The following CTIF variants were observed in gnomAD, a reference collection of about 807,000 sequenced individuals.
The protein encoded by CTIF is cap binding complex dependent translation initiation factor, also known as CBP80/20-dependent translation initiation factor.
A neutral mutation model predicts 66.0 loss-of-function variants in CTIF; 21 were observed. That is an observed-to-expected ratio of 0.32 (90% CI 0.23 to 0.46). CTIF has a LOEUF of 0.46. Ranked by LOEUF, CTIF falls within the 20% of genes least tolerant of loss-of-function variation. CTIF has a pLI of 1.00. For missense variants in CTIF, 739 were observed against 812.7 expected (o/e 0.91, Z 1.10); for synonymous variants, 345 against 326.4 (o/e 1.06, Z -0.62).
Position 48,860,075 on chromosome 18 carries a change from G to T in CTIF, c.*516G>T, listed in dbSNP as rs971320346. On this transcript the variant is annotated 3_prime_UTR_variant, in exon 12 of 12. Coordinates refer to ENST00000256413, the MANE Select transcript of CTIF (RefSeq NM_014772.3). ...GTAGCAGATGTCCGGGAGGACAAAG[G>T]CAGGCACGGTCCCCACCAGCCGCCC... 1.7e-5 allele frequency: 7 copies of T among 403,312 alleles called. No individual in the cohort carries two copies. In the East Asian group the frequency reaches 5.0e-4, roughly 29 times the overall value. The allele number at this position is 403,312 out of a possible 1,614,324, so 25.0% of individuals were successfully genotyped here.
intron 1 of CTIF, among the ~76,000 whole-genome samples, chr18:48,597,504 C>T (rs1055403277): frequency 2.0e-5 from 3 of 152,070 alleles, no homozygotes; most frequent in African/African-American, 4.8e-5. Flanking sequence ...TGGTGATAAG[C>T]GAACTCTCTC....
chr18:48,674,113 T>C (rs2145045733), intron 6 of CTIF, among the ~76,000 whole-genome samples: 1 of 152,354 alleles, frequency 6.6e-6, no homozygotes, highest in Non-Finnish European at 1.5e-5. Flanking sequence ...ACTTAACTCA[T>C]CTTCATGGAC....
At chr18:48,564,432 C>T (rs947167406) in intron 1 of CTIF, among the ~76,000 whole-genome samples, 1 of 152,144 alleles carries the variant, frequency 6.6e-6, no homozygotes, top group African/African-American at 2.4e-5. Flanking sequence ...GTGAAGGTCC[C>T]CAAAGCCTGG....
intron 10 of CTIF, among the ~76,000 whole-genome samples, chr18:48,849,224 G>T (rs1042057772): frequency 7.6e-6 from 1 of 131,284 alleles, no homozygotes; most frequent in African/African-American, 3.1e-5. Context: ...TTGAGACAGA[G>T]TCTTACTCTG....
At chr18:48,704,612 G>A (rs1332333292) in intron 6 of CTIF, among the ~76,000 whole-genome samples, 2 of 152,182 alleles carry the variant, frequency 1.3e-5, no homozygotes, top group Admixed American at 6.5e-5. Context: ...AAGGACCATC[G>A]CTCCCTTCCA....
At chr18:48,653,923 A>G (rs1451337105) in intron 3 of CTIF, among the ~76,000 whole-genome samples, 2 of 152,058 alleles carry the variant, frequency 1.3e-5, no homozygotes, top group Admixed American at 6.5e-5. Context: ...GGCTAGCCAT[A>G]TGGAGAAAGC....
chr18:48,798,092 A>G lies in CTIF; in HGVS notation c.1372-19129A>G, dbSNP rs77873427. On this transcript the variant is annotated intron_variant, in intron 9 of 11. Coordinates refer to ENST00000256413, the MANE Select transcript of CTIF (RefSeq NM_014772.3). ...GGTGAGGAGGTGCCAGACAGGATTG[A>G]TAGTTCCAGCCTCCTGTCCTTTCCT... 5.9e-5 allele frequency among the ~76,000 whole-genome samples: 9 copies of G among 152,294 alleles called. No individual in the cohort carries two copies. The East Asian group carries it at 1.7e-3, about 29-fold the overall frequency.
intron 1 of CTIF, among the ~76,000 whole-genome samples, chr18:48,562,175 A>C (rs1465934465): frequency 6.6e-6 from 1 of 152,250 alleles, no homozygotes; most frequent in Non-Finnish European, 1.5e-5. Context: ...AGCACTTGGC[A>C]TGTGCCTGGC....
At chr18:48,726,209 G>A (rs368784985) in intron 7 of CTIF, among the ~76,000 whole-genome samples, 6 of 152,200 alleles carry the variant, frequency 3.9e-5, no homozygotes, top group Admixed American at 3.3e-4. Flanking sequence ...GGATATGTAC[G>A]TGTGCATGTG....
rs77597643 is a variant in CTIF at position 48,733,143 on chromosome 18, T to G, written c.584+21448T>G. Among the ~76,000 whole-genome samples the G allele has an allele frequency of 8.2e-3, 1,244 of 152,020 alleles. 10 individuals are homozygous for G. The highest frequency in any genetic ancestry group is 0.012 in the Non-Finnish European group (800 of 67,980). ...GGTCCCTTCCAAAGCGTAGCTGCCC[T>G]GGGGAGGCAGTATCCCAAGGCACTC... On this transcript the variant is annotated intron_variant, in intron 7 of 11. Coordinates refer to ENST00000256413, the MANE Select transcript of CTIF (RefSeq NM_014772.3).
At chr18:48,750,567 C>G (rs1250911886) in intron 7 of CTIF, among the ~76,000 whole-genome samples, 1 of 152,268 alleles carries the variant, frequency 6.6e-6, no homozygotes, top group Non-Finnish European at 1.5e-5. Context: ...AACCAGCAGA[C>G]TGTGGTGGGA....
At chr18:48,805,842 C>T (rs1297574591) in intron 9 of CTIF, among the ~76,000 whole-genome samples, 1 of 152,218 alleles carries the variant, frequency 6.6e-6, no homozygotes, top group East Asian at 1.9e-4. Context: ...ACAGGTTGTC[C>T]TCTTAGAGAA....
At chr18:48,812,931 T>C (rs1422063570) in intron 9 of CTIF, among the ~76,000 whole-genome samples, 1 of 152,160 alleles carries the variant, frequency 6.6e-6, no homozygotes, top group Non-Finnish European at 1.5e-5. Context: ...TTCTGTGTAT[T>C]CTGGTATGCT....
At chr18:48,765,069 C>T (rs952247039) in intron 9 of CTIF, among the ~76,000 whole-genome samples, 1 of 152,186 alleles carries the variant, frequency 6.6e-6, no homozygotes, top group Admixed American at 6.5e-5. Flanking sequence ...TAATTCATGG[C>T]CCCTCACCAC....
intron 3 of CTIF, among the ~76,000 whole-genome samples, chr18:48,639,271 C>G (rs935363292): frequency 6.6e-6 from 1 of 152,104 alleles, no homozygotes; most frequent in Non-Finnish European, 1.5e-5. Context: ...CTTTCAGGAG[C>G]GATTTCTTAG....
intron 10 of CTIF, among the ~76,000 whole-genome samples, chr18:48,823,511 A>T (rs920491515): frequency 2.6e-5 from 4 of 152,210 alleles, no homozygotes; most frequent in African/African-American, 9.6e-5. Flanking sequence ...ATTTTGTTTC[A>T]TTGGTCTATA....
At chr18:48,607,799 G>GCCGAGTTTC (rs2090231211) in intron 1 of CTIF, among the ~76,000 whole-genome samples, 1 of 152,224 alleles carries the variant, frequency 6.6e-6, no homozygotes, top group South Asian at 2.1e-4. Flanking sequence ...GGTATGCACA[G>GCCGAGTTTC]CCGAGTTTCT....
chr18:48,782,429 C>T (rs186291331), intron 9 of CTIF, among the ~76,000 whole-genome samples: 1 of 152,214 alleles, frequency 6.6e-6, no homozygotes, highest in African/African-American at 2.4e-5. Context: ...CCTGTCCCCC[C>T]ACCCGCTCCC....
At chr18:48,820,097 A>G (rs1160858435) in intron 10 of CTIF, among the ~76,000 whole-genome samples, 2 of 152,202 alleles carry the variant, frequency 1.3e-5, no homozygotes, top group East Asian at 3.8e-4. Flanking sequence ...TGTCCTGCCC[A>G]GGGACAAACA....
Sources: gnomAD v4.1 joint callset for allele counts (sites outside exome capture counted in the v4.1 genomes callset) on GRCh38, gnomAD v4.1.1 for gene constraint, MANE v1.5 for transcripts, NCBI Gene and HGNC (gene_info 2026-07-23, HGNC 2026-07-21) for gene names.